Variants in DLG1 observed in about 807,000 individuals in gnomAD.
The protein encoded by DLG1 is disks large homolog 1.
Under a neutral mutation model 123.4 loss-of-function variants are expected in DLG1, and 42 were observed. The ratio of observed to expected loss-of-function variants is 0.34; its 90% confidence interval spans 0.27 to 0.44. The LOEUF (loss-of-function observed/expected upper bound fraction) is 0.44, where lower values mean the gene tolerates loss of function less well. Among genes scored for constraint, DLG1 ranks in the 20% least tolerant of loss-of-function variants. DLG1 has a pLI of 1.00. For synonymous variants in DLG1, 317 were observed against 356.2 expected (o/e 0.89, Z 1.24); for missense variants, 942 against 1,082.6 (o/e 0.87, Z 1.82).
intron 4 of DLG1, among the ~76,000 whole-genome samples, chr3:197,245,354 T>C (rs1254355245): frequency 6.6e-6 from 1 of 152,170 alleles, no homozygotes; most frequent in Non-Finnish European, 1.5e-5. Context: ...GTGAGTAAGG[T>C]GATCTACTAT....
At chr3:197,249,421 A>T (rs1237120699) in intron 4 of DLG1, among the ~76,000 whole-genome samples, 1 of 152,012 alleles carries the variant, frequency 6.6e-6, no homozygotes, top group East Asian at 1.9e-4. Flanking sequence ...CATTCCACTA[A>T]ATATTAAAAT....
At chr3:197,080,774 T>C (rs1278697980) in intron 17 of DLG1, 2 of 239,224 alleles carry the variant, frequency 8.4e-6, no homozygotes, top group African/African-American at 4.6e-5. Flanking sequence ...GTAACACAAA[T>C]TTCTAATTGG....
At chr3:197,266,452 TA>T (rs1027917894) in intron 4 of DLG1, among the ~76,000 whole-genome samples, 9 of 146,942 alleles carry the variant, frequency 6.1e-5, no homozygotes, top group Admixed American at 1.4e-4. Context: ...GCCAAAAAAT[TA>T]AAAAAAAAAA....
At chr3:197,161,771 A>G (rs752973545) in intron 5 of DLG1, 2 of 1,362,190 alleles carry the variant, frequency 1.5e-6, no homozygotes, top group East Asian at 4.9e-5. Flanking sequence ...AATCAGGAAA[A>G]ACACCAAAAT....
chr3:197,158,153 G>A (rs977072724), intron 5 of DLG1, among the ~76,000 whole-genome samples: 2 of 152,044 alleles, frequency 1.3e-5, no homozygotes, highest in Non-Finnish European at 2.9e-5. Flanking sequence ...TCCCAAAGAA[G>A]ACACACACAT....
At chr3:197,108,442 G>A (rs868210466) in intron 13 of DLG1, among the ~76,000 whole-genome samples, 1 of 151,984 alleles carries the variant, frequency 6.6e-6, no homozygotes, top group African/African-American at 2.4e-5. Context: ...TTTGTGTTTT[G>A]TTAGTTTTTG....
At chr3:197,135,914 T>C (rs988309478) in intron 10 of DLG1, among the ~76,000 whole-genome samples, 1 of 151,784 alleles carries the variant, frequency 6.6e-6, no homozygotes, top group Non-Finnish European at 1.5e-5. Flanking sequence ...TGGGCTCAGG[T>C]GATCTTCTCA....
intron 4 of DLG1, among the ~76,000 whole-genome samples, chr3:197,217,237 T>C (rs999436176): frequency 2.0e-5 from 3 of 152,086 alleles, no homozygotes; most frequent in African/African-American, 7.2e-5. Context: ...GGTAGATAAG[T>C]ACACAAAGGT....
intron 5 of DLG1, among the ~76,000 whole-genome samples, chr3:197,170,125 T>C (rs1691208028): frequency 6.6e-6 from 1 of 152,216 alleles, no homozygotes. Flanking sequence ...TATTCCGTGG[T>C]GTGTATGTGC....
chr3:197,073,996 TCTTAA>T (rs1745708987), intron 18 of DLG1, among the ~76,000 whole-genome samples: 1 of 152,182 alleles, frequency 6.6e-6, no homozygotes, highest in African/African-American at 2.4e-5. Context: ...TTCCCTACAT[TCTTAA>T]CTTCAGAATG....
intron 12 of DLG1, among the ~76,000 whole-genome samples, chr3:197,117,160 T>C (rs1773752070): frequency 6.6e-6 from 1 of 152,034 alleles, no homozygotes; most frequent in Non-Finnish European, 1.5e-5. Flanking sequence ...AGGATGGCTA[T>C]TAAAAAAACC....
chr3:197,122,674 T>C (rs1160800085), intron 11 of DLG1, among the ~76,000 whole-genome samples: 2 of 152,110 alleles, frequency 1.3e-5, no homozygotes, highest in Admixed American at 6.5e-5. Context: ...AAGTAGTACA[T>C]TTATAATAGC....
At chr3:197,181,124 A>G (rs143886507) in intron 5 of DLG1, among the ~76,000 whole-genome samples, 5 of 152,284 alleles carry the variant, frequency 3.3e-5, no homozygotes, top group African/African-American at 1.2e-4. Context: ...GAATCTGTAA[A>G]ATAAGTACAG....
chr3:197,143,530 A>T (rs1455498237), intron 6 of DLG1, among the ~76,000 whole-genome samples: 1 of 152,158 alleles, frequency 6.6e-6, no homozygotes, highest in Non-Finnish European at 1.5e-5. Context: ...TGCTGGGATT[A>T]CAGGCGTGAG....
intron 3 of DLG1, among the ~76,000 whole-genome samples, chr3:197,291,121 A>G (rs560623598): frequency 6.6e-6 from 1 of 152,248 alleles, no homozygotes; most frequent in South Asian, 2.1e-4. Context: ...ATTCAGCCAG[A>G]TTCAACATAA....
chr3:197,118,200 A>G (rs2149421825), intron 12 of DLG1, among the ~76,000 whole-genome samples: 3 of 152,316 alleles, frequency 2.0e-5, no homozygotes, highest in Admixed American at 2.0e-4. Flanking sequence ...CTTATTTTTT[A>G]GTTTGTAAAA....
At chr3:197,109,570 C>A (rs1768629094) in intron 13 of DLG1, among the ~76,000 whole-genome samples, 1 of 152,072 alleles carries the variant, frequency 6.6e-6, no homozygotes, top group Non-Finnish European at 1.5e-5. Flanking sequence ...TTTATATTTA[C>A]CTGTGTAGTT....
At chr3:197,051,859 T>TG (rs1728012332) in intron 23 of DLG1, among the ~76,000 whole-genome samples, 191 bp from the exon 24 acceptor site, 1 of 114,628 alleles carries the variant, frequency 8.7e-6, no homozygotes, top group African/African-American at 3.0e-5. Context: ...TTTTTTTTTT[T>TG]GAGACAGTGT....
At chr3:197,132,996 T>C (rs1490849283) in intron 10 of DLG1, among the ~76,000 whole-genome samples, 13 of 149,108 alleles carry the variant, frequency 8.7e-5, no homozygotes, top group African/African-American at 2.7e-4. Flanking sequence ...GGTATACTTC[T>C]GAAATACACA....
Sources: gnomAD v4.1 joint callset for allele counts (sites outside exome capture counted in the v4.1 genomes callset) on GRCh38, gnomAD v4.1.1 for gene constraint, MANE v1.5 for transcripts, NCBI Gene and HGNC (gene_info 2026-07-23, HGNC 2026-07-21) for gene names.